RIMBP2: variants seen among roughly 807,000 people sequenced by gnomAD.
RIMBP2 encodes RIMS-binding protein 2.
A neutral mutation model predicts 118.6 loss-of-function variants in RIMBP2; 48 were observed. That is an observed-to-expected ratio of 0.40 (90% CI 0.32 to 0.51). The LOEUF is 0.51. Ranked by LOEUF, RIMBP2 falls within the 20% of genes least tolerant of loss-of-function variation. RIMBP2 has a pLI of 0.41. For synonymous variants in RIMBP2, 762 were observed against 742.9 expected, an observed-to-expected ratio of 1.03 and a Z score of -0.42; for missense variants, 1,551 against 1,768.3, an observed-to-expected ratio of 0.88 and a Z score of 2.20.
chr12:130,510,893 G>A (rs909521594), intron 3 of RIMBP2, among the ~76,000 whole-genome samples: 1 of 152,100 alleles, frequency 6.6e-6, no homozygotes. Flanking sequence ...GCTCTGGTTC[G>A]CAACAAGGAG....
At chr12:130,599,447 C>A (rs1486640113) in intron 2 of RIMBP2, among the ~76,000 whole-genome samples, 1 of 152,080 alleles carries the variant, frequency 6.6e-6, no homozygotes, top group African/African-American at 2.4e-5. Context: ...AACTAATGGG[C>A]AAAATGATTT....
intron 12 of RIMBP2, 31 bp downstream of exon 12, chr12:130,438,334 A>ATGC: frequency 2.2e-4 from 293 of 1,344,352 alleles, no homozygotes; most frequent in Non-Finnish European, 2.9e-4. Context: ...GGGCCTAACA[A>ATGC]ACCCTCCCCA....
intron 2 of RIMBP2, among the ~76,000 whole-genome samples, chr12:130,561,822 C>G (rs2056844687): frequency 6.6e-6 from 1 of 152,132 alleles, no homozygotes; most frequent in Non-Finnish European, 1.5e-5. Flanking sequence ...AACTCTTTTG[C>G]TGCACAAATC....
intron 1 of RIMBP2, among the ~76,000 whole-genome samples, chr12:130,664,415 A>ACGCACACACACACGCACACACACGCACG (rs1195044326): frequency 7.7e-6 from 1 of 130,496 alleles, no homozygotes; most frequent in Non-Finnish European, 1.7e-5. Context: ...ACGCACGCAC[A>ACGCACACACACACGCACACACACGCACG]CACACGCACA....
intron 4 of RIMBP2, among the ~76,000 whole-genome samples, chr12:130,490,689 C>A (rs975325442): frequency 2.0e-5 from 3 of 152,160 alleles, no homozygotes; most frequent in African/African-American, 7.2e-5. Flanking sequence ...TGGCCATAAA[C>A]AACCTTATTC....
chr12:130,485,258 T>G (rs1014058385), intron 4 of RIMBP2, among the ~76,000 whole-genome samples: 1 of 152,364 alleles, frequency 6.6e-6, no homozygotes, highest in South Asian at 2.1e-4. Flanking sequence ...GGCACTATGC[T>G]TGCCCAGGCA....
intron 1 of RIMBP2, among the ~76,000 whole-genome samples, chr12:130,637,427 A>G (rs1415158185): frequency 6.6e-6 from 1 of 152,266 alleles, no homozygotes; most frequent in East Asian, 1.9e-4. Context: ...GAGACAGCAC[A>G]TCGGACTGGA....
At chr12:130,598,148 A>G (rs966250574) in intron 2 of RIMBP2, among the ~76,000 whole-genome samples, 7 of 152,272 alleles carry the variant, frequency 4.6e-5, no homozygotes, top group African/African-American at 1.7e-4. Context: ...CCTTAAAAAT[A>G]CAAAATATCT....
rs1555320859 is a variant in RIMBP2, at chr12:130,664,409, A to ACACGCACG, written c.-351-35954_-351-35953insCGTGCGTG. ...CGCATGCACACACACGCACGCACGC[A>ACACGCACG]CGCACACACACGCACACACATGCAT... On this transcript the variant is annotated intron_variant, in intron 1 of 22. Transcript: ENST00000690449. Among the ~76,000 whole-genome samples, 290 of 97,842 alleles carry ACACGCACG rather than the reference A, an allele frequency of 3.0e-3. 19 individuals carry two copies. Among genetic ancestry groups the ACACGCACG allele is most frequent in the African/African-American group, 8.5e-3 (274 of 32,236 alleles). 64.2% of individuals were successfully genotyped at this position (97,842 alleles called of 152,430 possible). A position where few individuals can be genotyped will look rare whatever the true frequency, so the allele number is the denominator to read the frequency against.
chr12:130,714,117 C>T (rs1950158808), intron 1 of RIMBP2, among the ~76,000 whole-genome samples: 1 of 152,196 alleles, frequency 6.6e-6, no homozygotes, highest in Non-Finnish European at 1.5e-5. Flanking sequence ...AACCAGACTC[C>T]AAAAATACAA....
At chr12:130,504,942 T>C (rs1255379872) in intron 4 of RIMBP2, among the ~76,000 whole-genome samples, 1 of 152,206 alleles carries the variant, frequency 6.6e-6, no homozygotes, top group Non-Finnish European at 1.5e-5. Flanking sequence ...CCATCTTTCA[T>C]GGCTTTTTAA....
intron 1 of RIMBP2, among the ~76,000 whole-genome samples, chr12:130,672,756 G>A (rs7973019): frequency 0.35 from 52,669 of 152,004 alleles, 9,240 homozygotes; most frequent in East Asian, 0.41. Context: ...AATGGGTGTC[G>A]CCGGAGCCTC....
At chr12:130,482,436 G>A (rs553747451) in intron 4 of RIMBP2, among the ~76,000 whole-genome samples, 10 of 152,326 alleles carry the variant, frequency 6.6e-5, no homozygotes, top group East Asian at 3.9e-4. Context: ...AGAAGGGCCC[G>A]AGTGTGGCAC....
intron 1 of RIMBP2, among the ~76,000 whole-genome samples, chr12:130,647,875 A>C (rs1277082073): frequency 6.9e-6 from 1 of 145,744 alleles, no homozygotes; most frequent in Non-Finnish European, 1.6e-5. Flanking sequence ...CTTCCACATA[A>C]GGTTCTCCCC....
intron 18 of RIMBP2, among the ~76,000 whole-genome samples, chr12:130,413,241 G>T (rs2075857476): frequency 6.6e-6 from 1 of 152,156 alleles, no homozygotes; most frequent in South Asian, 2.1e-4. Flanking sequence ...CAGGACCCTT[G>T]CTGAAACTGC....
chr12:130,590,019 G>A (rs77239752), intron 2 of RIMBP2, among the ~76,000 whole-genome samples: 21 of 152,332 alleles, frequency 1.4e-4, no homozygotes, highest in African/African-American at 4.6e-4. Context: ...GTTTCTGGGA[G>A]GGATTGGAGT....
chr12:130,529,088 T>C (rs1399722), intron 2 of RIMBP2, among the ~76,000 whole-genome samples: 113,431 of 152,122 alleles, frequency 0.75, 42,432 homozygotes, highest in East Asian at 0.83. Context: ...AAATGTGGTC[T>C]GTCCATAAAG....
At chr12:130,421,723 G>GTGTGTGTGTT (rs1491067707) in intron 17 of RIMBP2, among the ~76,000 whole-genome samples, 10 of 148,066 alleles carry the variant, frequency 6.8e-5, no homozygotes, top group Non-Finnish European at 1.5e-4. Context: ...GTGTGTGTGT[G>GTGTGTGTGTT]TTTTCATAGA....
chr12:130,671,093 G>A (rs936087714), intron 1 of RIMBP2, among the ~76,000 whole-genome samples: 9 of 152,204 alleles, frequency 5.9e-5, no homozygotes, highest in African/African-American at 2.2e-4. Context: ...GGACAGAAAA[G>A]TAGAAGGGGC....
Sources: allele counts gnomAD v4.1 joint callset (sites outside exome capture counted in the v4.1 genomes callset), GRCh38; gene constraint gnomAD v4.1.1; transcripts MANE v1.5; gene names NCBI Gene and HGNC (gene_info 2026-07-23, HGNC 2026-07-21).